C16orf95: variants seen among roughly 807,000 people sequenced by gnomAD.
The protein encoded by C16orf95 is chromosome 16 open reading frame 95.
C16orf95 carries 41 observed loss-of-function variants against 32.1 expected under a neutral mutation model. The ratio of observed to expected loss-of-function variants is 1.28; its 90% CI spans 1.00 to 1.66. The LOEUF (loss-of-function observed/expected upper bound fraction) is 1.66, where lower values mean the gene tolerates loss of function less well. Ranked by LOEUF, C16orf95 falls within the 40% of genes most tolerant of loss-of-function variation. The pLI, the probability that C16orf95 is intolerant of heterozygous loss-of-function variation, is 0.00. For missense variants in C16orf95, 399 were observed against 325.9 expected, an observed-to-expected ratio of 1.22 and a Z score of -1.73; for synonymous variants, 147 against 128.9, an observed-to-expected ratio of 1.14 and a Z score of -0.95.
At chr16:87,309,294 T>C (rs1911166527) in intron 5 of C16orf95, among the ~76,000 whole-genome samples, 2 of 151,806 alleles carry the variant, frequency 1.3e-5, no homozygotes, top group South Asian at 2.1e-4. Flanking sequence ...TCAGTTTAGT[T>C]TGGTGCAAAA....
chr16:87,312,645 T>C lies in C16orf95; in HGVS notation c.331-1349A>G, dbSNP rs1312750268. ...CCATCCCTCATAAGCAGGACAAGAATGTCTCCTCTCACTGCTCTCTTCAAC... is the reference window on the plus strand; with the variant it reads ...CCATCCCTCATAAGCAGGACAAGAACGTCTCCTCTCACTGCTCTCTTCAAC... On this transcript the variant is annotated intron_variant, in intron 3 of 6. Coordinates refer to ENST00000567970, the MANE Select transcript of C16orf95 (RefSeq NM_001195124.3). Among the ~76,000 whole-genome samples, 4 of 149,666 alleles carry C rather than the reference T, an allele frequency of 2.7e-5. No individual in the cohort carries two copies. The East Asian group carries it at 7.8e-4, about 29-fold the overall frequency.
chr16:87,311,231 G>A lies in C16orf95; in HGVS notation c.396C>T (p.Arg132=). 2.6e-6 allele frequency: 4 copies of A among 1,535,864 alleles called. No homozygotes were observed. The highest frequency in any genetic ancestry group is 3.5e-6 in the Non-Finnish European group (4 of 1,146,674). The change falls in exon 4 of 7, where the codon CGC becomes CGT. Residue 132 remains arginine (R), a synonymous_variant. Coordinates refer to ENST00000567970, the MANE Select transcript of C16orf95 (RefSeq NM_001195124.3). ...TAKMCPCLCH[R]FGGRLPMPRD... is the part of the protein sequence containing the mutation. ...TAGGCATCGGGAGGCGGCCCCCAAA[G>A]CGGTGGCATAGGCAGGGGCACATCT...
At chr16:87,313,456 T>A (rs1318713661) in intron 3 of C16orf95, among the ~76,000 whole-genome samples, 1 of 152,088 alleles carries the variant, frequency 6.6e-6, no homozygotes, top group Non-Finnish European at 1.5e-5. Flanking sequence ...CTTGGCCAGG[T>A]GTGGTGGCAG....
At chr16:87,309,543 C>T (rs1257031856) in intron 5 of C16orf95, among the ~76,000 whole-genome samples, 1 of 151,628 alleles carries the variant, frequency 6.6e-6, no homozygotes, top group African/African-American at 2.4e-5. Flanking sequence ...GCCACCACAC[C>T]CAGCTAATTT....
chr16:87,309,601 C>G (rs991372380), intron 5 of C16orf95, among the ~76,000 whole-genome samples: 2 of 151,904 alleles, frequency 1.3e-5, no homozygotes, highest in African/African-American at 2.4e-5. Flanking sequence ...CCAGGCTGGT[C>G]TCAAACTCCT....
chr16:87,317,181 C>T lies in C16orf95; in HGVS notation c.62G>A (p.Gly21Glu), dbSNP rs950112979. The T allele has an allele frequency of 3.7e-5, 56 of 1,530,896 alleles. No homozygotes were observed. The highest frequency in any genetic ancestry group is 4.2e-5 in the Non-Finnish European group (48 of 1,144,776). 94.8% of individuals were successfully genotyped at this position (1,530,896 alleles called of 1,614,324 possible). A position where few individuals can be genotyped will look rare whatever the true frequency, so the allele number is the denominator to read the frequency against. Residue 21 changes from glycine (G) to glutamate (E), a missense_variant, in exon 1 of 7, where the codon GGA becomes GAA. By Grantham distance (98) the Gly-to-Glu change is moderately conservative (BLOSUM62 -2). Transcript: ENST00000567970. Reference sequence around the variant, plus strand: ...CCCGGCAGCAGCGCCTGAGGCTGCTCCAGTGGCCTCATGATGATGGTGACA... The same window carrying T: ...CCCGGCAGCAGCGCCTGAGGCTGCTTCAGTGGCCTCATGATGATGGTGACA... ...RRCHHHHEAT[G>E]AASGAAAGGP... is the part of the protein sequence containing the mutation.
intron 5 of C16orf95, among the ~76,000 whole-genome samples, chr16:87,307,059 G>A (rs1398946192): frequency 6.6e-6 from 1 of 152,140 alleles, no homozygotes; most frequent in Non-Finnish European, 1.5e-5. Flanking sequence ...CCCGACCCCT[G>A]CCTCTGGGGG....
intron 3 of C16orf95, 105 bp downstream of exon 3, chr16:87,314,866 T>C: frequency 1.0e-6 from 1 of 971,726 alleles, no homozygotes; most frequent in South Asian, 1.8e-5. Flanking sequence ...CTCCCTGAAA[T>C]GTTAAAATAT....
chr16:87,302,816 T>C lies in C16orf95; in HGVS notation c.*241A>G, dbSNP rs1383130166. On this transcript the variant is annotated 3_prime_UTR_variant, in exon 7 of 7. Coordinates refer to ENST00000567970, the MANE Select transcript of C16orf95 (RefSeq NM_001195124.3). ...GTCATCATTTAAGAGGTGGCCAGTT[T>C]AGAGTTTCACAAATAACATTTATTG... 9.3e-6 allele frequency: 5 copies of C among 537,624 alleles called. No homozygotes were observed. The highest frequency in any genetic ancestry group is 1.7e-5 in the Non-Finnish European group (5 of 296,622). 33.3% of individuals were successfully genotyped at this position (537,624 alleles called of 1,614,324 possible). A position where few individuals can be genotyped will look rare whatever the true frequency, so the allele number is the denominator to read the frequency against.
chr16:87,314,680 A>C (rs960882856), intron 3 of C16orf95, among the ~76,000 whole-genome samples: 3 of 152,214 alleles, frequency 2.0e-5, no homozygotes, highest in African/African-American at 7.2e-5. Context: ...TCAAACCTCT[A>C]GAAGTCTAGT....
rs752238043 is a variant in C16orf95, at chr16:87,311,136, C to A, written c.477+14G>T. ...ACTCTTCAGTTCTCACTGCAGTGTG[C>A]GCCTCCTCCTTACCTGCTGCTGAGA... On this transcript the variant is annotated intron_variant, in intron 4 of 6. Coordinates refer to ENST00000567970, the MANE Select transcript of C16orf95 (RefSeq NM_001195124.3). 4 of 1,507,228 alleles carry A rather than the reference C, an allele frequency of 2.7e-6. No homozygotes were observed. The highest frequency in any genetic ancestry group is 2.0e-5 in the Admixed American group (1 of 49,326). The allele number at this position is 1,507,228 out of a possible 1,614,324, so 93.4% of individuals were successfully genotyped here. A position where few individuals can be genotyped will look rare whatever the true frequency, so the allele number is the denominator to read the frequency against.
intron 4 of C16orf95, among the ~76,000 whole-genome samples, 171 bp from the exon 5 acceptor site, chr16:87,310,504 C>T (rs1430632924): frequency 6.6e-6 from 1 of 152,162 alleles, no homozygotes; most frequent in Non-Finnish European, 1.5e-5. Context: ...AGCCTGCCAC[C>T]CAGTAATGGA....
At chr16:87,309,951 A>T in intron 5 of C16orf95, among the ~76,000 whole-genome samples, 1 of 152,220 alleles carries the variant, frequency 6.6e-6, no homozygotes, top group Non-Finnish European at 1.5e-5. Flanking sequence ...TCATAAATAT[A>T]TATACACACA....
intron 6 of C16orf95, 165 bp from the exon 7 acceptor site, chr16:87,303,240 G>A: frequency 1.5e-6 from 1 of 681,802 alleles, no homozygotes; most frequent in East Asian, 2.7e-5. Context: ...GATGAGGGGT[G>A]GGGTGCAGTC....
In C16orf95 at chr16:87,305,912, A is replaced by G; in HGVS notation, c.515-7T>C. 7.1e-7 allele frequency: 1 copy of G among 1,411,136 alleles called. No homozygotes were observed. Among genetic ancestry groups the G allele is most frequent in the Non-Finnish European group, 9.2e-7 (1 of 1,086,834 alleles). The allele number at this position is 1,411,136 out of a possible 1,614,324, so 87.4% of individuals were successfully genotyped here. A position where few individuals can be genotyped will look rare whatever the true frequency, so the allele number is the denominator to read the frequency against. On this transcript the variant is annotated splice_polypyrimidine_tract_variant and splice_region_variant and intron_variant, in intron 5 of 6. Coordinates refer to ENST00000567970, the MANE Select transcript of C16orf95 (RefSeq NM_001195124.3). This position sits in a 1 kb window ranked among gnomAD's most constrained non-coding sequence, Gnocchi z 4.2. ...CATGCATCCAGCAGGGGTGCTAGGC[A>G]AAGAAAAGGTGGGTTGAGGACAGGG...
chr16:87,311,214 G>C lies in C16orf95; in HGVS notation c.413C>G (p.Pro138Arg). The C allele has an allele frequency of 6.5e-7, 1 of 1,535,822 alleles. No homozygotes were observed. The highest frequency in any genetic ancestry group is 2.0e-5 in the Admixed American group (1 of 50,986). Reference protein sequence around the residue: ...CLCHRFGGRLPMPRDQAVMPY... With the variant: ...CLCHRFGGRLRMPRDQAVMPY... ...CATCACTGCCTGGTCCCTAGGCATCGGGAGGCGGCCCCCAAAGCGGTGGCA... is the reference window on the plus strand; with the variant it reads ...CATCACTGCCTGGTCCCTAGGCATCCGGAGGCGGCCCCCAAAGCGGTGGCA... Residue 138 changes from proline to arginine, a missense_variant, in exon 4 of 7, where the codon CCG becomes CGG. Transcript: ENST00000567970.
At position 87,317,335 on chromosome 16, in the gene C16orf95, A is replaced by T; in HGVS notation, c.-93T>A. 2 of 1,434,280 alleles carry T rather than the reference A, an allele frequency of 1.4e-6. No homozygotes were observed. Among genetic ancestry groups the T allele is most frequent in the Non-Finnish European group, 1.8e-6 (2 of 1,094,220 alleles). The allele number at this position is 1,434,280 out of a possible 1,614,324, so 88.8% of individuals were successfully genotyped here. A position where few individuals can be genotyped will look rare whatever the true frequency, so the allele number is the denominator to read the frequency against. ...CGCCTTTCCCTCCTGCCCCAGGAGG[A>T]ACCCAACCCGAGCTCAACCCCAGCC... On this transcript the variant is annotated 5_prime_UTR_variant, in exon 1 of 7. Coordinates refer to ENST00000567970, the MANE Select transcript of C16orf95 (RefSeq NM_001195124.3).
Position 87,310,350 on chromosome 16 carries a change from G to C in C16orf95, c.478-17C>G. The C allele has an allele frequency of 1.3e-6, 2 of 1,536,064 alleles. No individual in the cohort carries two copies. The highest frequency in any genetic ancestry group is 1.7e-6 in the Non-Finnish European group (2 of 1,146,904). On this transcript the variant is annotated splice_polypyrimidine_tract_variant and intron_variant, in intron 4 of 6. Transcript: ENST00000567970. ...CCTGACTATCTAAAAGACAAGAATG[G>C]AGGCAAGCAGTCAGCCTGGCGACCC...
At position 87,317,286 on chromosome 16, in the gene C16orf95, C is replaced by T; in HGVS notation, c.-44G>A. 1 of 1,470,456 alleles carries T rather than the reference C, an allele frequency of 6.8e-7. No homozygotes were observed. The highest frequency in any genetic ancestry group is 9.0e-7 in the Non-Finnish European group (1 of 1,109,916). The allele number at this position is 1,470,456 out of a possible 1,614,324, so 91.1% of individuals were successfully genotyped here. ...CGCGCCCTTTCACACACACATCGTC[C>T]GCAGGCCCTGACGCCCTGGCTCCCG... On this transcript the variant is annotated 5_prime_UTR_variant, in exon 1 of 7. Transcript: ENST00000567970.
Sources: allele counts gnomAD v4.1 joint callset (sites outside exome capture counted in the v4.1 genomes callset), GRCh38; gene constraint gnomAD v4.1.1; non-coding constraint Gnocchi (gnomAD v3.1); transcripts MANE v1.5; gene names NCBI Gene and HGNC (gene_info 2026-07-23, HGNC 2026-07-21).